The following EXOC6B variants were observed in gnomAD, a reference collection of about 807,000 sequenced individuals.
The protein encoded by EXOC6B is exocyst complex component 6B.
In EXOC6B, 54 loss-of-function variants were observed where a neutral mutation model predicts 113.5. The ratio of observed to expected loss-of-function variants is 0.48; its 90% CI spans 0.38 to 0.60. The LOEUF is 0.60. Ranked by LOEUF, EXOC6B falls within the 20% of genes least tolerant of loss-of-function variation. EXOC6B has a pLI of 0.00. For synonymous variants in EXOC6B, 357 were observed against 339.0 expected (o/e 1.05, Z -0.58); for missense variants, 797 against 977.5 (o/e 0.82, Z 2.46).
At chr2:72,486,909 G>C (rs1282553806) in intron 16 of EXOC6B, among the ~76,000 whole-genome samples, 1 of 150,694 alleles carries the variant, frequency 6.6e-6, no homozygotes, top group Non-Finnish European at 1.5e-5. Flanking sequence ...TCCCCTGCTA[G>C]CTATCACCCC....
chr2:72,523,176 A>G (rs1340296122), intron 8 of EXOC6B, among the ~76,000 whole-genome samples: 1 of 152,068 alleles, frequency 6.6e-6, no homozygotes, highest in Non-Finnish European at 1.5e-5. Flanking sequence ...TAGCTGCTGT[A>G]GGTTACAAAT....
chr2:72,773,120 C>CTTTTTTTTTT (rs1254377634), intron 1 of EXOC6B, among the ~76,000 whole-genome samples: 19 of 94,890 alleles, frequency 2.0e-4, no homozygotes, highest in African/African-American at 4.2e-4. Context: ...CTTAGATTTT[C>CTTTTTTTTTT]TTTTTTTTTT....
intron 1 of EXOC6B, among the ~76,000 whole-genome samples, chr2:72,819,309 T>C (rs1051629775): frequency 2.0e-5 from 3 of 152,180 alleles, no homozygotes; most frequent in African/African-American, 7.2e-5. Context: ...AATTAAGTTA[T>C]TTGTTGTTGT....
chr2:72,663,354 T>C (rs1675158819), intron 6 of EXOC6B, among the ~76,000 whole-genome samples: 1 of 152,200 alleles, frequency 6.6e-6, no homozygotes, highest in Admixed American at 6.5e-5. Context: ...TAAGTTATTT[T>C]CAGGATGTAG....
chr2:72,288,689 A>AATAT lies in EXOC6B; in HGVS notation c.2196+46254_2196+46257dup, dbSNP rs139372769. 63 of 76,112 alleles carry AATAT rather than the reference A, an allele frequency of 8.3e-4. 1 individual carries two copies. In the South Asian group the frequency reaches 0.013, roughly 16 times the overall value. 4.7% of individuals were successfully genotyped at this position (76,112 alleles called of 1,614,324 possible). ...CTGGCCAACTAATCAATCTGATAGAAATATATATATATATATATACAAACT... is the reference window on the plus strand; with the variant it reads ...CTGGCCAACTAATCAATCTGATAGAAATATATATATATATATATATATACAAACT... On this transcript the variant is annotated intron_variant, in intron 20 of 21. Transcript: ENST00000272427.
intron 18 of EXOC6B, among the ~76,000 whole-genome samples, chr2:72,396,979 A>G: frequency 6.6e-6 from 1 of 152,118 alleles, no homozygotes; most frequent in Non-Finnish European, 1.5e-5. Context: ...CTACTGAAAA[A>G]AAAAAAAACA....
At chr2:72,705,454 T>A (rs1678789181) in intron 6 of EXOC6B, among the ~76,000 whole-genome samples, 1 of 152,166 alleles carries the variant, frequency 6.6e-6, no homozygotes, top group African/African-American at 2.4e-5. Flanking sequence ...CCTAAGCCAC[T>A]TGTATTTCTA....
intron 8 of EXOC6B, among the ~76,000 whole-genome samples, chr2:72,556,980 T>TA (rs1052943190): frequency 6.6e-6 from 1 of 151,050 alleles, no homozygotes; most frequent in Non-Finnish European, 1.5e-5. Context: ...GAAACCCGAT[T>TA]AAAAAAAATG....
chr2:72,292,456 CA>C (rs1056933258), intron 20 of EXOC6B, among the ~76,000 whole-genome samples: 40 of 151,250 alleles, frequency 2.6e-4, no homozygotes, highest in African/African-American at 8.7e-4. Flanking sequence ...TGCCAAAAAC[CA>C]GTTAACTGAT....
intron 6 of EXOC6B, among the ~76,000 whole-genome samples, chr2:72,643,810 AAAATAAATAAAT>A (rs143948551): frequency 0.036 from 5,492 of 150,800 alleles, 318 homozygotes; most frequent in African/African-American, 0.13. Context: ...AAAAAATTAA[AAAATAAATAAAT>A]AAATAAATAA....
At chr2:72,622,064 A>G (rs1408516853) in intron 6 of EXOC6B, among the ~76,000 whole-genome samples, 2 of 152,140 alleles carry the variant, frequency 1.3e-5, no homozygotes, top group Admixed American at 1.3e-4. Flanking sequence ...AAAGAAAAAA[A>G]TTATATTGGT....
chr2:72,443,320 CAAAAAAAAAA>C (rs61290907), intron 18 of EXOC6B, among the ~76,000 whole-genome samples: 4 of 92,768 alleles, frequency 4.3e-5, no homozygotes, highest in Non-Finnish European at 7.2e-5. Flanking sequence ...GAGATTCTGT[CAAAAAAAAAA>C]AAAAAAAGAA....
intron 18 of EXOC6B, among the ~76,000 whole-genome samples, chr2:72,417,242 G>A (rs1378972360): frequency 6.6e-6 from 1 of 152,164 alleles, no homozygotes; most frequent in Admixed American, 6.5e-5. Flanking sequence ...CGACCAGGCT[G>A]GAGTGCAATG....
intron 18 of EXOC6B, among the ~76,000 whole-genome samples, chr2:72,405,619 G>A (rs1355588442): frequency 3.3e-5 from 5 of 152,144 alleles, no homozygotes; most frequent in African/African-American, 9.7e-5. Context: ...ATAAGTGAAG[G>A]AGAAATAAAA....
At chr2:72,207,275 C>T (rs142090150) in intron 20 of EXOC6B, among the ~76,000 whole-genome samples, 1 of 152,260 alleles carries the variant, frequency 6.6e-6, no homozygotes, top group East Asian at 1.9e-4. Flanking sequence ...GAATATACAT[C>T]TTTGTACATT....
intron 1 of EXOC6B, among the ~76,000 whole-genome samples, chr2:72,797,155 T>C (rs1573812628): frequency 6.6e-6 from 1 of 152,320 alleles, no homozygotes; most frequent in East Asian, 1.9e-4. Flanking sequence ...ACCATAATTT[T>C]CTTTGATTCA....
chr2:72,494,743 A>G (rs190119702), intron 15 of EXOC6B, among the ~76,000 whole-genome samples: 25 of 152,276 alleles, frequency 1.6e-4, no homozygotes, highest in Non-Finnish European at 2.8e-4. Flanking sequence ...TTAATTGTTC[A>G]GCTTCTTAAT....
chr2:72,632,613 AAG>A (rs1440692211), intron 6 of EXOC6B, among the ~76,000 whole-genome samples: 2 of 152,232 alleles, frequency 1.3e-5, no homozygotes, highest in East Asian at 3.8e-4. Flanking sequence ...CATTCAATAA[AAG>A]TAATGTTTGC....
chr2:72,519,680 T>C (rs950128620), intron 8 of EXOC6B, among the ~76,000 whole-genome samples: 2 of 152,126 alleles, frequency 1.3e-5, no homozygotes, highest in African/African-American at 4.8e-5. Context: ...AGTGACTTTA[T>C]AGAACATAAC....
Sources: allele counts gnomAD v4.1 joint callset (sites outside exome capture counted in the v4.1 genomes callset), GRCh38; gene constraint gnomAD v4.1.1; transcripts MANE v1.5; gene names NCBI Gene and HGNC (gene_info 2026-07-23, HGNC 2026-07-21).